Variants in OPCML observed in about 807,000 individuals in gnomAD.
The protein encoded by OPCML is opioid-binding protein/cell adhesion molecule.
Under a neutral mutation model 37.8 loss-of-function variants are expected in OPCML, and 13 were observed. The ratio of observed to expected loss-of-function variants is 0.34; its 90% CI spans 0.22 to 0.55. The LOEUF (loss-of-function observed/expected upper bound fraction) is 0.55. Ranked by LOEUF, OPCML falls within the 20% of genes least tolerant of loss-of-function variation. OPCML has a pLI of 0.91. For missense variants in OPCML, 341 were observed against 435.6 expected (o/e 0.78, Z 1.93); for synonymous variants, 176 against 168.8 (o/e 1.04, Z -0.33).
At chr11:133,435,909 T>A (rs1946224031) in intron 1 of OPCML, among the ~76,000 whole-genome samples, 1 of 152,222 alleles carries the variant, frequency 6.6e-6, no homozygotes, top group East Asian at 1.9e-4. Context: ...GGATCTAATT[T>A]CAGCTGCTCA....
chr11:133,093,592 A>C (rs1177725604), intron 1 of OPCML, among the ~76,000 whole-genome samples: 1 of 152,162 alleles, frequency 6.6e-6, no homozygotes, highest in East Asian at 1.9e-4. Context: ...ATGGGGCCTA[A>C]ATTCAAGCCC....
At chr11:132,620,813 C>A (rs1014507105) in intron 3 of OPCML, among the ~76,000 whole-genome samples, 1 of 152,192 alleles carries the variant, frequency 6.6e-6, no homozygotes, top group Non-Finnish European at 1.5e-5. Flanking sequence ...GTCTAGATTG[C>A]CATCCATGGC....
chr11:133,431,025 A>G (rs1306646189), intron 1 of OPCML, among the ~76,000 whole-genome samples: 3 of 152,216 alleles, frequency 2.0e-5, no homozygotes, highest in Non-Finnish European at 4.4e-5. Context: ...AGAATATGAT[A>G]TAAACACAGA....
intron 1 of OPCML, among the ~76,000 whole-genome samples, chr11:133,284,284 G>A (rs567816534): frequency 4.4e-4 from 67 of 152,276 alleles, no homozygotes; most frequent in African/African-American, 1.3e-3. Flanking sequence ...GGCCTGTCTC[G>A]TCAGAGGCCC....
intron 1 of OPCML, among the ~76,000 whole-genome samples, chr11:133,530,224 G>A (rs1216797566): frequency 1.3e-5 from 2 of 152,188 alleles, no homozygotes; most frequent in African/African-American, 4.8e-5. Context: ...AGCAAGTTCT[G>A]CCTGCTCCCC....
chr11:133,461,393 G>A (rs193053604), intron 1 of OPCML, among the ~76,000 whole-genome samples: 227 of 151,834 alleles, frequency 1.5e-3, no homozygotes, highest in African/African-American at 5.0e-3. Flanking sequence ...CAGCAAAGTC[G>A]CAACATACAA....
intron 4 of OPCML, among the ~76,000 whole-genome samples, chr11:132,456,849 C>G (rs1052208942): frequency 6.6e-6 from 1 of 152,182 alleles, no homozygotes; most frequent in Non-Finnish European, 1.5e-5. Flanking sequence ...TTTACAATTC[C>G]CTGATTAAAC....
At chr11:132,670,226 G>A (rs762163765) in intron 2 of OPCML, among the ~76,000 whole-genome samples, 7 of 152,148 alleles carry the variant, frequency 4.6e-5, no homozygotes, top group Admixed American at 6.5e-5. Context: ...CAGAGAGTCT[G>A]GGGAGCTTGA....
At chr11:133,420,952 T>G in intron 1 of OPCML, 1 of 985,312 alleles carries the variant, frequency 1.0e-6, no homozygotes, top group Non-Finnish European at 1.2e-6. Context: ...GAAAATGAGA[T>G]TTTTAGTCAG....
At chr11:133,223,406 C>T (rs77360180) in intron 1 of OPCML, among the ~76,000 whole-genome samples, 2,053 of 152,240 alleles carry the variant, frequency 0.013, 53 homozygotes, top group African/African-American at 0.046. Flanking sequence ...AAGCAGGTGC[C>T]GTGTTTTGTT....
intron 1 of OPCML, among the ~76,000 whole-genome samples, chr11:133,313,957 T>C (rs565382093): frequency 1.1e-4 from 16 of 152,274 alleles, no homozygotes; most frequent in East Asian, 3.9e-4. Flanking sequence ...GATTTCAGGC[T>C]GGGCGCAGTG....
At chr11:133,045,885 A>G (rs1337988499) in intron 1 of OPCML, among the ~76,000 whole-genome samples, 1 of 152,234 alleles carries the variant, frequency 6.6e-6, no homozygotes, top group African/African-American at 2.4e-5. Context: ...TGATGGCTCA[A>G]TAGTCACCTG....
chr11:133,055,868 G>T (rs1025867313), intron 1 of OPCML, among the ~76,000 whole-genome samples: 1 of 151,036 alleles, frequency 6.6e-6, no homozygotes, highest in Non-Finnish European at 1.5e-5. Context: ...CTGCCTCCAT[G>T]GTACTTCCAA....
chr11:133,042,473 C>T (rs116616768), intron 1 of OPCML, among the ~76,000 whole-genome samples: 3,069 of 152,264 alleles, frequency 0.02, 103 homozygotes, highest in African/African-American at 0.066. Flanking sequence ...CAGAGCGGGA[C>T]GCAAACGGTG....
chr11:133,219,555 A>G (rs1341253002), intron 1 of OPCML, among the ~76,000 whole-genome samples: 1 of 152,192 alleles, frequency 6.6e-6, no homozygotes, highest in African/African-American at 2.4e-5. Context: ...GCTTGTTGAA[A>G]CATAATCCAT....
chr11:133,060,976 A>T (rs1160429349), intron 1 of OPCML, among the ~76,000 whole-genome samples: 3 of 152,242 alleles, frequency 2.0e-5, no homozygotes, highest in Non-Finnish European at 4.4e-5. Context: ...AAGTGTGTCT[A>T]AGAGGGATGC....
intron 3 of OPCML, among the ~76,000 whole-genome samples, chr11:132,545,650 G>T (rs766338343): frequency 6.6e-6 from 1 of 152,034 alleles, no homozygotes; most frequent in African/African-American, 2.4e-5. Flanking sequence ...CATCCAATGT[G>T]TACTTAGGTA....
intron 3 of OPCML, among the ~76,000 whole-genome samples, chr11:132,619,851 C>CAAAA (rs34927802): frequency 8.0e-5 from 9 of 112,864 alleles, no homozygotes; most frequent in African/African-American, 2.4e-4. Flanking sequence ...GACTCCATGT[C>CAAAA]AAAAAAAAAA....
chr11:132,931,645 A>G (rs956415736), intron 2 of OPCML, among the ~76,000 whole-genome samples: 1 of 152,216 alleles, frequency 6.6e-6, no homozygotes, highest in African/African-American at 2.4e-5. Context: ...AATGAAAATA[A>G]TAGAAACAGA....
Sources: allele counts gnomAD v4.1 joint callset (sites outside exome capture counted in the v4.1 genomes callset), GRCh38; gene constraint gnomAD v4.1.1; transcripts MANE v1.5; gene names NCBI Gene and HGNC (gene_info 2026-07-23, HGNC 2026-07-21).